The following TRPM1 variants were observed in gnomAD, a reference collection of about 807,000 sequenced individuals.
TRPM1 encodes TRPM1-203 APA Isoform, Intron 10.
Under a neutral mutation model 149.4 loss-of-function variants are expected in TRPM1, and 113 were observed. That is an observed-to-expected ratio of 0.76 (90% CI 0.65 to 0.88). The LOEUF (loss-of-function observed/expected upper bound fraction) is 0.88, where lower values mean the gene tolerates loss of function less well. Ranked by LOEUF, TRPM1 falls within the 40% of genes least tolerant of loss-of-function variation. TRPM1 has a pLI of 0.00. For missense variants in TRPM1, 1,976 were observed against 2,038.7 expected, an observed-to-expected ratio of 0.97 and a Z score of 0.59; for synonymous variants, 741 against 759.5, an observed-to-expected ratio of 0.98 and a Z score of 0.40.
chr15:31,136,606 G>C (rs921238726), intron 1 of TRPM1, among the ~76,000 whole-genome samples: 4 of 152,166 alleles, frequency 2.6e-5, no homozygotes, highest in African/African-American at 9.7e-5. Flanking sequence ...TCTTCAATCA[G>C]CATGATAATA....
chr15:31,016,236 C>T (rs1313459395), intron 27 of TRPM1, among the ~76,000 whole-genome samples: 3 of 152,142 alleles, frequency 2.0e-5, no homozygotes, highest in Non-Finnish European at 2.9e-5. Flanking sequence ...ATGCCAATAC[C>T]CTCAAATATT....
At chr15:31,115,965 C>A (rs955102552) in intron 1 of TRPM1, among the ~76,000 whole-genome samples, 1 of 151,980 alleles carries the variant, frequency 6.6e-6, no homozygotes, top group African/African-American at 2.4e-5. Flanking sequence ...GTGGAAGGAG[C>A]GAGATAGCTC....
intron 3 of TRPM1, among the ~76,000 whole-genome samples, chr15:31,074,934 T>C (rs2034651047): frequency 6.6e-6 from 1 of 152,178 alleles, no homozygotes; most frequent in Non-Finnish European, 1.5e-5. Flanking sequence ...TTTAACCTAG[T>C]GGTTATCTGG....
At chr15:31,014,239 T>G (rs568993239) in intron 27 of TRPM1, among the ~76,000 whole-genome samples, 1 of 152,330 alleles carries the variant, frequency 6.6e-6, no homozygotes, top group South Asian at 2.1e-4. Flanking sequence ...CTAAACCCTT[T>G]GCCTGTAAAT....
At chr15:31,149,606 G>A (rs1444891053) in intron 1 of TRPM1, among the ~76,000 whole-genome samples, 1 of 145,016 alleles carries the variant, frequency 6.9e-6, no homozygotes, top group Non-Finnish European at 1.5e-5. Flanking sequence ...TGCAAGCTCC[G>A]CCTCCCGGGT....
intron 1 of TRPM1, among the ~76,000 whole-genome samples, chr15:31,148,852 C>T (rs923360662): frequency 6.6e-6 from 1 of 152,172 alleles, no homozygotes; most frequent in Non-Finnish European, 1.5e-5. Context: ...TGTTAGACAG[C>T]TGGGTGGTCT....
At chr15:31,015,409 C>A (rs1450532095) in intron 27 of TRPM1, among the ~76,000 whole-genome samples, 4 of 140,968 alleles carry the variant, frequency 2.8e-5, no homozygotes, top group Non-Finnish European at 6.1e-5. Flanking sequence ...GAGACTCCGT[C>A]TTAAAAAAAA....
At chr15:31,090,415 G>T (rs371083882) in intron 1 of TRPM1, among the ~76,000 whole-genome samples, 1 of 152,076 alleles carries the variant, frequency 6.6e-6, no homozygotes, top group African/African-American at 2.4e-5. Flanking sequence ...GAGGCAGGCC[G>T]GTCACGAGGT....
At position 31,095,437 on chromosome 15, in the gene TRPM1, C is replaced by T. The variant is rs543039497; in HGVS notation, c.-84+6220G>A. On this transcript the variant is annotated intron_variant, in intron 1 of 27. Coordinates refer to ENST00000256552, the MANE Select transcript of TRPM1 (RefSeq NM_001252024.2). ...TGGTGGCTCATGTCTGTAATCCCAG[C>T]ACTTTGGGAGGCCGAGGCGGGTGGA... Among the ~76,000 whole-genome samples, 83 of 152,278 alleles carry T rather than the reference C, an allele frequency of 5.5e-4. 3 individuals are homozygous for T. The South Asian group carries it at 0.016, about 29-fold the overall frequency.
Position 31,035,538 on chromosome 15 carries a change from G to A in TRPM1, c.2700+8C>T. 1 of 1,614,102 alleles carries A rather than the reference G, an allele frequency of 6.2e-7. No individual in the cohort carries two copies. Among genetic ancestry groups the A allele is most frequent in the African/African-American group, 1.3e-5 (1 of 75,026 alleles). Reference sequence around the variant, plus strand: ...TAGTGGGCTGGGGGAGGCCTTTGGAGTAGCCACCTCTCGTATCTTCTCTAA... The same window carrying A: ...TAGTGGGCTGGGGGAGGCCTTTGGAATAGCCACCTCTCGTATCTTCTCTAA... On this transcript the variant is annotated splice_region_variant and intron_variant, in intron 21 of 27. Transcript: ENST00000256552.
intron 22 of TRPM1, among the ~76,000 whole-genome samples, chr15:31,032,006 GT>G (rs57762904): frequency 0.071 from 8,687 of 122,662 alleles, 412 homozygotes; most frequent in African/African-American, 0.22. Context: ...ATCAGGCGGG[GT>G]TTTTTTTTTT....
At chr15:31,130,957 G>C (rs2036008817) in intron 1 of TRPM1, among the ~76,000 whole-genome samples, 1 of 152,182 alleles carries the variant, frequency 6.6e-6, no homozygotes. Flanking sequence ...AATTGGCTCT[G>C]TCTAGGCAGA....
chr15:31,071,428 G>A (rs984704978), intron 3 of TRPM1, among the ~76,000 whole-genome samples: 1 of 152,170 alleles, frequency 6.6e-6, no homozygotes, highest in Non-Finnish European at 1.5e-5. Context: ...TAATGCACAT[G>A]TGCAGGGCCC....
chr15:31,050,220 T>C (rs2033907808), intron 12 of TRPM1, among the ~76,000 whole-genome samples, 189 bp downstream of exon 12: 1 of 152,208 alleles, frequency 6.6e-6, no homozygotes, highest in South Asian at 2.1e-4. Flanking sequence ...TTTGGTGTTT[T>C]GGACAACCGA....
intron 1 of TRPM1, among the ~76,000 whole-genome samples, chr15:31,140,192 C>T (rs2036141259): frequency 6.9e-6 from 1 of 145,770 alleles, no homozygotes; most frequent in Non-Finnish European, 1.5e-5. Context: ...TATGGTGAAA[C>T]TCTGTCTCTA....
At chr15:31,057,721 A>G (rs1206306763) in intron 11 of TRPM1, among the ~76,000 whole-genome samples, 2 of 152,112 alleles carry the variant, frequency 1.3e-5, no homozygotes, top group African/African-American at 4.8e-5. Flanking sequence ...GAGCCTTGAT[A>G]TGGTTTGGCT....
At chr15:31,015,117 T>C (rs1008379346) in intron 27 of TRPM1, among the ~76,000 whole-genome samples, 2 of 150,710 alleles carry the variant, frequency 1.3e-5, no homozygotes, top group African/African-American at 2.4e-5. Context: ...TTAAAAGATA[T>C]ATAACCTTGG....
intron 1 of TRPM1, among the ~76,000 whole-genome samples, chr15:31,091,162 G>A (rs939356980): frequency 6.6e-6 from 1 of 152,180 alleles, no homozygotes; most frequent in Non-Finnish European, 1.5e-5. Context: ...CATGGCCGAG[G>A]AAGCAGCAGG....
rs943238120 is a variant in TRPM1, at chr15:31,040,075, T to C, written c.2316+43A>G. The C allele has an allele frequency of 6.4e-7, 1 of 1,572,910 alleles. No homozygotes were observed. The highest frequency in any genetic ancestry group is 2.2e-5 in the East Asian group (1 of 44,692). ...CAGTTCAGCCTGGCAGAGAGTCACTTGTCACTGTCACCCTGGCCCGCCTCG... is the reference window on the plus strand; with the variant it reads ...CAGTTCAGCCTGGCAGAGAGTCACTCGTCACTGTCACCCTGGCCCGCCTCG... On this transcript the variant is annotated intron_variant, in intron 18 of 27. Coordinates refer to ENST00000256552, the MANE Select transcript of TRPM1 (RefSeq NM_001252024.2). This position sits in a 1 kb window ranked among gnomAD's most constrained non-coding sequence, Gnocchi z 4.2.
Sources: allele counts gnomAD v4.1 joint callset (sites outside exome capture counted in the v4.1 genomes callset), GRCh38; gene constraint gnomAD v4.1.1; non-coding constraint Gnocchi (gnomAD v3.1); transcripts MANE v1.5; gene names NCBI Gene and HGNC (gene_info 2026-07-23, HGNC 2026-07-21).